Variants in EFL1 observed in about 807,000 individuals in gnomAD.
The protein encoded by EFL1 is elongation factor-like GTPase 1.
In EFL1, 76 loss-of-function variants were observed where a neutral mutation model predicts 126.7. That is an observed-to-expected ratio of 0.60 (90% CI 0.50 to 0.73). The LOEUF (loss-of-function observed/expected upper bound fraction) is 0.73, where lower values mean the gene tolerates loss of function less well. Among genes scored for constraint, EFL1 ranks in the 30% least tolerant of loss-of-function variants. The probability of loss-of-function intolerance (pLI) is 0.00; values close to 1 mark genes in which losing one functional copy is unlikely to be tolerated. For synonymous variants in EFL1, 410 were observed against 448.4 expected (o/e 0.91, Z 1.08); for missense variants, 1,128 against 1,343.2 (o/e 0.84, Z 2.50).
chr15:82,221,385 T>C (rs1025302013), intron 12 of EFL1, among the ~76,000 whole-genome samples: 14 of 152,158 alleles, frequency 9.2e-5, no homozygotes, highest in Non-Finnish European at 1.0e-4. Flanking sequence ...CCACAGACCC[T>C]TAGGGCTCCT....
At chr15:82,141,563 G>C (rs542235427) in intron 18 of EFL1, among the ~76,000 whole-genome samples, 1 of 152,014 alleles carries the variant, frequency 6.6e-6, no homozygotes, top group East Asian at 1.9e-4. Context: ...AGCTACTCCA[G>C]AGGCTGAGGC....
intron 15 of EFL1, among the ~76,000 whole-genome samples, chr15:82,180,382 AACAAAC>A (rs1409865701): frequency 4.8e-5 from 5 of 103,250 alleles, no homozygotes; most frequent in African/African-American, 1.4e-4. Flanking sequence ...ACAAAAAAAA[AACAAAC>A]AAAAAAAACC....
At chr15:82,261,959 G>T (rs1346141901) in intron 1 of EFL1, 162 bp from the exon 2 acceptor site, 4 of 563,076 alleles carry the variant, frequency 7.1e-6, no homozygotes, top group Non-Finnish European at 1.3e-5. Flanking sequence ...CCTAAGTCCA[G>T]TTCGAGCACT....
At chr15:82,223,154 A>G (rs2074729113) in intron 12 of EFL1, among the ~76,000 whole-genome samples, 1 of 152,196 alleles carries the variant, frequency 6.6e-6, no homozygotes, top group South Asian at 2.1e-4. Flanking sequence ...CTAAAGGAAA[A>G]TAATACTCTG....
rs765953284 is a variant in EFL1, at chr15:82,252,794, T to C, written c.160-19A>G. On this transcript the variant is annotated intron_variant, in intron 3 of 19. Transcript: ENST00000268206. The stretch of plus-strand genomic sequence containing the variant: ...ACCTTAACTGGAAAAATGCAACATA[T>C]GCATCTTCACTTCCCAAAGAATTAA... 2.2e-6 allele frequency: 3 copies of C among 1,353,842 alleles called. No individual in the cohort carries two copies. Among genetic ancestry groups the C allele is most frequent in the Middle Eastern group, 1.8e-4 (1 of 5,486 alleles). 83.9% of individuals were successfully genotyped at this position (1,353,842 alleles called of 1,614,324 possible).
intron 15 of EFL1, among the ~76,000 whole-genome samples, chr15:82,178,850 A>G (rs1005453022): frequency 2.6e-5 from 4 of 152,152 alleles, no homozygotes; most frequent in Admixed American, 1.3e-4. Context: ...TATTCTCCAT[A>G]AAGAAAATGG....
intron 4 of EFL1, among the ~76,000 whole-genome samples, chr15:82,252,142 C>T (rs575689511): frequency 6.6e-6 from 1 of 152,166 alleles, no homozygotes; most frequent in Non-Finnish European, 1.5e-5. Context: ...TTGGATATAT[C>T]AGTTTATTGA....
At chr15:82,187,445 TTTATTA>T (rs1231147979) in intron 15 of EFL1, among the ~76,000 whole-genome samples, 1 of 152,140 alleles carries the variant, frequency 6.6e-6, no homozygotes, top group Non-Finnish European at 1.5e-5. Flanking sequence ...TGAACAATTT[TTTATTA>T]TTAACTTTGA....
intron 15 of EFL1, among the ~76,000 whole-genome samples, chr15:82,210,023 C>T (rs1430107187): frequency 1.3e-5 from 2 of 152,160 alleles, no homozygotes; most frequent in South Asian, 2.1e-4. Flanking sequence ...ATATTGGTCT[C>T]CACTATTTTC....
chr15:82,179,697 T>C (rs1464187284), intron 15 of EFL1, among the ~76,000 whole-genome samples: 1 of 151,552 alleles, frequency 6.6e-6, no homozygotes, highest in East Asian at 1.9e-4. Flanking sequence ...CTCCCTCCAC[T>C]GAAAGAAAAG....
intron 2 of EFL1, among the ~76,000 whole-genome samples, chr15:82,260,784 G>A (rs947428489): frequency 1.8e-4 from 28 of 152,168 alleles, no homozygotes; most frequent in African/African-American, 6.5e-4. Flanking sequence ...GTTCCTAGCT[G>A]GCATGAGCAG....
intron 7 of EFL1, among the ~76,000 whole-genome samples, chr15:82,235,236 G>A (rs1267673061): frequency 2.6e-5 from 4 of 152,178 alleles, no homozygotes; most frequent in Non-Finnish European, 5.9e-5. Flanking sequence ...TTTCAAAGGA[G>A]TGTTGTCAGA....
At chr15:82,228,916 G>A in intron 9 of EFL1, 118 bp downstream of exon 9, 1 of 834,876 alleles carries the variant, frequency 1.2e-6, no homozygotes, top group East Asian at 2.7e-5. Context: ...CTCATCTGTA[G>A]AAGCTCTGTT....
chr15:82,178,980 A>G (rs2074221735), intron 15 of EFL1, among the ~76,000 whole-genome samples: 1 of 152,028 alleles, frequency 6.6e-6, no homozygotes. Flanking sequence ...CAAATAAAAA[A>G]TAAAAAAATA....
chr15:82,137,995 CT>C (rs2073740236), intron 19 of EFL1, among the ~76,000 whole-genome samples: 1 of 152,158 alleles, frequency 6.6e-6, no homozygotes. Context: ...TGTTCACAAT[CT>C]TTCCTTCTCT....
intron 15 of EFL1, among the ~76,000 whole-genome samples, chr15:82,188,063 C>T (rs1268205026): frequency 2.0e-5 from 3 of 152,232 alleles, no homozygotes; most frequent in Middle Eastern, 3.4e-3. Flanking sequence ...TAAAATATAA[C>T]TCTTTGTCCT....
At chr15:82,177,010 G>C (rs2074201989) in intron 15 of EFL1, among the ~76,000 whole-genome samples, 1 of 152,144 alleles carries the variant, frequency 6.6e-6, no homozygotes, top group Non-Finnish European at 1.5e-5. Flanking sequence ...CCCAATGCAA[G>C]AGCACATTCT....
intron 2 of EFL1, 25 bp from the exon 3 acceptor site, chr15:82,259,180 A>G: frequency 1.3e-6 from 2 of 1,599,752 alleles, no homozygotes; most frequent in Non-Finnish European, 1.7e-6. Context: ...ACATCAATTC[A>G]AATCTATATC....
At chr15:82,252,849 T>A (rs2141339634) in intron 3 of EFL1, 74 bp from the exon 4 acceptor site, 2 of 973,116 alleles carry the variant, frequency 2.1e-6, no homozygotes, top group East Asian at 5.3e-5. Flanking sequence ...CTAATTTAGA[T>A]TTTTGTTTTA....
Sources: allele counts gnomAD v4.1 joint callset (sites outside exome capture counted in the v4.1 genomes callset), GRCh38; gene constraint gnomAD v4.1.1; transcripts MANE v1.5; gene names NCBI Gene and HGNC (gene_info 2026-07-23, HGNC 2026-07-21).